The following SOX5 variants were observed in gnomAD, a reference collection of about 807,000 sequenced individuals.
The protein encoded by SOX5 is SRY-box transcription factor 5, also known as transcription factor SOX-5.
Under a neutral mutation model 92.0 loss-of-function variants are expected in SOX5, and 9 were observed. That is an observed-to-expected ratio of 0.10 (90% confidence interval 0.06 to 0.17). The LOEUF is 0.17. Ranked by LOEUF, SOX5 falls within the 10% of genes least tolerant of loss-of-function variation. SOX5 has a pLI of 1.00. For missense variants in SOX5, 642 were observed against 944.5 expected (o/e 0.68, Z 4.20); for synonymous variants, 344 against 336.3 (o/e 1.02, Z -0.25).
chr12:24,497,769 A>G (rs1947794084), intron 1 of SOX5, among the ~76,000 whole-genome samples: 1 of 152,200 alleles, frequency 6.6e-6, no homozygotes, highest in Non-Finnish European at 1.5e-5. Flanking sequence ...TTACAGCACT[A>G]TTCACAACAG....
At chr12:23,980,602 C>G (rs1949482182) in intron 4 of SOX5, among the ~76,000 whole-genome samples, 1 of 152,172 alleles carries the variant, frequency 6.6e-6, no homozygotes, top group South Asian at 2.1e-4. Context: ...TCTAAAACAT[C>G]TGCCAAATGA....
Position 24,219,741 on chromosome 12 carries a change from C to G in SOX5, c.-76-6324G>C, listed in dbSNP as rs571248676. On this transcript the variant is annotated intron_variant, in intron 3 of 4. Coordinates refer to the SOX5 transcript ENST00000446891. ...TGAAATTTAAATAAGGCTCCAATCC[C>G]TCATGCACATTGCTTTGAGTTAAAT... is the stretch of plus-strand genomic sequence containing the variant. Among the ~76,000 whole-genome samples the G allele has an allele frequency of 5.9e-5, 9 of 152,176 alleles. No homozygotes were observed. In the Middle Eastern group the frequency reaches 0.01, roughly 173 times the overall value.
chr12:23,721,687 ACATTAGTAGT>A (rs900338409), intron 6 of SOX5, among the ~76,000 whole-genome samples: 10 of 152,182 alleles, frequency 6.6e-5, no homozygotes, highest in Admixed American at 1.3e-4. Context: ...AGCAATATAA[ACATTAGTAGT>A]CAATTCTATG....
chr12:23,561,336 G>C (rs1275927978), intron 11 of SOX5, among the ~76,000 whole-genome samples: 3 of 152,164 alleles, frequency 2.0e-5, no homozygotes, highest in Admixed American at 2.0e-4. Context: ...CCTAACAATG[G>C]ACAAGTATGG....
chr12:24,032,129 T>A (rs956988617), intron 4 of SOX5, among the ~76,000 whole-genome samples: 4 of 151,842 alleles, frequency 2.6e-5, no homozygotes, highest in Admixed American at 6.6e-5. Flanking sequence ...TGGTAACTGG[T>A]AACACTGAAA....
intron 3 of SOX5, among the ~76,000 whole-genome samples, chr12:23,842,500 T>C (rs888683991): frequency 5.3e-5 from 8 of 152,166 alleles, no homozygotes; most frequent in Non-Finnish European, 8.8e-5. Context: ...GAACGATACG[T>C]CAGAAGCAAG....
intron 7 of SOX5, among the ~76,000 whole-genome samples, chr12:23,655,162 G>A (rs138276024): frequency 5.1e-4 from 78 of 152,092 alleles, no homozygotes; most frequent in African/African-American, 1.6e-3. Context: ...CTCCTTGCCC[G>A]TAAATTGGAG....
At chr12:24,325,275 A>C (rs1950571916) in intron 2 of SOX5, among the ~76,000 whole-genome samples, 1 of 152,234 alleles carries the variant, frequency 6.6e-6, no homozygotes, top group South Asian at 2.1e-4. Flanking sequence ...TACCATGAAA[A>C]ATTTAAAAGA....
At chr12:23,796,970 G>A (rs1370420515) in intron 3 of SOX5, among the ~76,000 whole-genome samples, 1 of 148,382 alleles carries the variant, frequency 6.7e-6, no homozygotes, top group Admixed American at 6.8e-5. Flanking sequence ...TGCACAGTAG[G>A]TATTTTTATT....
At chr12:24,220,041 CT>C (rs1015275865) in intron 3 of SOX5, among the ~76,000 whole-genome samples, 32 of 151,752 alleles carry the variant, frequency 2.1e-4, no homozygotes, top group African/African-American at 6.5e-4. Context: ...ATGTTAATAG[CT>C]TTTTTTTCCT....
intron 4 of SOX5, among the ~76,000 whole-genome samples, chr12:24,031,561 CA>C (rs1428928435): frequency 6.6e-6 from 1 of 151,394 alleles, no homozygotes; most frequent in African/African-American, 2.4e-5. Context: ...AGTTGCTGGT[CA>C]AAAAATATAT....
chr12:24,375,134 A>C (rs1304560665), intron 1 of SOX5, among the ~76,000 whole-genome samples: 1 of 151,628 alleles, frequency 6.6e-6, no homozygotes, highest in Non-Finnish European at 1.5e-5. Context: ...CACTACGCCC[A>C]GCTAATTTTT....
intron 1 of SOX5, among the ~76,000 whole-genome samples, chr12:24,469,158 G>T (rs12817522): frequency 6.6e-6 from 1 of 152,156 alleles, no homozygotes; most frequent in East Asian, 1.9e-4. Flanking sequence ...TTAGATTCTC[G>T]TAAGGAATGT....
intron 3 of SOX5, among the ~76,000 whole-genome samples, chr12:23,844,309 T>C (rs1373738909): frequency 6.6e-6 from 1 of 152,206 alleles, no homozygotes; most frequent in East Asian, 1.9e-4. Flanking sequence ...GTATTGCTTT[T>C]GTACCATCTT....
intron 1 of SOX5, among the ~76,000 whole-genome samples, chr12:24,542,564 G>A (rs1952237701): frequency 1.3e-5 from 2 of 152,182 alleles, no homozygotes; most frequent in South Asian, 4.1e-4. Flanking sequence ...CTGAATGGCA[G>A]AAAGACTCCT....
At chr12:23,882,231 T>C (rs868591519) in intron 2 of SOX5, among the ~76,000 whole-genome samples, 1 of 152,062 alleles carries the variant, frequency 6.6e-6, no homozygotes, top group Non-Finnish European at 1.5e-5. Flanking sequence ...GCTGGTAACA[T>C]AGAAGCAAGA....
chr12:23,970,844 T>A (rs1159428420), intron 4 of SOX5, among the ~76,000 whole-genome samples: 1,453 of 8,056 alleles, frequency 0.18, 353 homozygotes, highest in African/African-American at 0.23. Context: ...ATATATAATT[T>A]TTTTTTTTTT....
intron 1 of SOX5, among the ~76,000 whole-genome samples, chr12:24,526,819 T>G (rs1387618450): frequency 6.6e-6 from 1 of 152,088 alleles, no homozygotes; most frequent in Non-Finnish European, 1.5e-5. Context: ...ATTATCATAT[T>G]TCTTTTTTTT....
chr12:24,283,840 T>A (rs1945509434), intron 2 of SOX5, among the ~76,000 whole-genome samples: 1 of 152,190 alleles, frequency 6.6e-6, no homozygotes, highest in Admixed American at 6.5e-5. Flanking sequence ...AAAGTTTTAG[T>A]TATAATCATT....
Sources: allele counts gnomAD v4.1 joint callset (sites outside exome capture counted in the v4.1 genomes callset), GRCh38; gene constraint gnomAD v4.1.1; transcripts MANE v1.5; gene names NCBI Gene and HGNC (gene_info 2026-07-23, HGNC 2026-07-21).